NUP107: variants seen among roughly 807,000 people sequenced by gnomAD.
The protein encoded by NUP107 is nucleoporin 107.
NUP107 carries 101 observed loss-of-function variants against 141.0 expected under a neutral mutation model. The observed-to-expected ratio is 0.72, with a 90% CI of 0.61 to 0.84. The LOEUF (loss-of-function observed/expected upper bound fraction) is 0.84. Ranked by LOEUF, NUP107 falls within the 40% of genes least tolerant of loss-of-function variation. The pLI is 0.00. For synonymous variants in NUP107, 319 were observed against 363.9 expected (o/e 0.88, Z 1.41); for missense variants, 941 against 1,102.7 (o/e 0.85, Z 2.08).
intron 26 of NUP107, among the ~76,000 whole-genome samples, chr12:68,737,237 G>GT (rs1352889057): frequency 1.3e-5 from 2 of 152,110 alleles, no homozygotes; most frequent in African/African-American, 4.8e-5. Context: ...AGATTAGGTA[G>GT]TGAAAGCCAC....
At chr12:68,698,090 A>G (rs1876157121) in intron 6 of NUP107, among the ~76,000 whole-genome samples, 1 of 152,124 alleles carries the variant, frequency 6.6e-6, no homozygotes. Flanking sequence ...TTGCAAATTA[A>G]AATAATGAGA....
rs1592486490 is a variant in NUP107 at position 68,687,000 on chromosome 12, G to C, written c.-66G>C. 17 of 1,609,124 alleles carry C rather than the reference G, an allele frequency of 1.1e-5. No individual in the cohort carries two copies. The East Asian group carries it at 3.6e-4, about 34-fold the overall frequency. Reference sequence around the variant, plus strand: ...GTCGAAGGGCTTGCTTCCGGAGAGCGGGAAGGCTAAAACGCGGTAGCTAAA... The same window carrying C: ...GTCGAAGGGCTTGCTTCCGGAGAGCCGGAAGGCTAAAACGCGGTAGCTAAA... On this transcript the variant is annotated 5_prime_UTR_variant, in exon 1 of 28. Coordinates refer to ENST00000229179, the MANE Select transcript of NUP107 (RefSeq NM_020401.4).
At chr12:68,687,202 C>T in intron 1 of NUP107, 129 bp downstream of exon 1, 4 of 1,322,054 alleles carry the variant, frequency 3.0e-6, no homozygotes, top group Non-Finnish European at 4.2e-6. Flanking sequence ...AGGCTCCTTC[C>T]CCATGCCGGG....
At chr12:68,713,944 A>G (rs1472161550) in intron 11 of NUP107, 136 bp downstream of exon 11, 1 of 614,674 alleles carries the variant, frequency 1.6e-6, no homozygotes, top group East Asian at 2.9e-5. Flanking sequence ...TAAAACAACT[A>G]AGTTGCATTG....
chr12:68,731,783 G>T, intron 22 of NUP107, 64 bp downstream of exon 22: 1 of 908,114 alleles, frequency 1.1e-6, no homozygotes, highest in Non-Finnish European at 1.7e-6. Context: ...TTATTCCTTG[G>T]TGAACTTCTC....
chr12:68,731,104 T>G lies in NUP107; in HGVS notation c.1735-6T>G, dbSNP rs762842875. 5.2e-6 allele frequency: 8 copies of G among 1,550,300 alleles called. No individual in the cohort carries two copies. Among genetic ancestry groups the G allele is most frequent in the Middle Eastern group, 1.7e-4 (1 of 5,834 alleles). On this transcript the variant is annotated splice_polypyrimidine_tract_variant and splice_region_variant and intron_variant, in intron 20 of 27. Transcript: ENST00000229179. ...TGACATACTTTGATCTTTTTCTATTTTTTAGCTTTTAATAAGAGAGAAACA... is the reference window on the plus strand; with the variant it reads ...TGACATACTTTGATCTTTTTCTATTGTTTAGCTTTTAATAAGAGAGAAACA...
At chr12:68,735,494 T>A (rs934158027) in intron 26 of NUP107, 150 bp downstream of exon 26, 2 of 606,046 alleles carry the variant, frequency 3.3e-6, no homozygotes, top group Non-Finnish European at 6.0e-6. Flanking sequence ...CTGAAAATAC[T>A]ACCTAGGGAA....
At position 68,740,474 on chromosome 12, in the gene NUP107, T is replaced by C. The variant is rs141856984; in HGVS notation, c.2503-1339T>C. Among the ~76,000 whole-genome samples the C allele has an allele frequency of 2.4e-3, 371 of 152,352 alleles. 2 individuals are homozygous for C. The highest frequency in any genetic ancestry group is 8.7e-3 in the African/African-American group (362 of 41,588). On this transcript the variant is annotated intron_variant, in intron 26 of 27. Transcript: ENST00000229179. Reference sequence around the variant, plus strand: ...CCAAAATATTGATAGTAATTTTTCCTATGTTTGGAAACCTGACCTAGATTA... The same window carrying C: ...CCAAAATATTGATAGTAATTTTTCCCATGTTTGGAAACCTGACCTAGATTA...
intron 8 of NUP107, chr12:68,706,242 C>T: frequency 7.8e-6 from 6 of 770,942 alleles, no homozygotes; most frequent in Non-Finnish European, 1.4e-5. Flanking sequence ...ATGGATGAAG[C>T]TTACAAGAAC....
Position 68,690,996 on chromosome 12 carries a change from C to T in NUP107, c.303+250C>T, listed in dbSNP as rs77714146. Among the ~76,000 whole-genome samples the T allele has an allele frequency of 7.2e-5, 11 of 151,822 alleles. No individual in the cohort carries two copies. In the East Asian group the frequency reaches 1.7e-3, roughly 24 times the overall value. ...TCGGGAGGCTGAGGTGTGAGAATTG[C>T]TTGAACCCAGGAGGCAGAGGTTGCA... On this transcript the variant is annotated intron_variant, in intron 4 of 27. Transcript: ENST00000229179.
At chr12:68,692,302 C>G (rs565809366) in intron 5 of NUP107, 190 bp downstream of exon 5, 20 of 540,172 alleles carry the variant, frequency 3.7e-5, no homozygotes, top group Admixed American at 7.8e-5. Flanking sequence ...ACTCTGTTGC[C>G]GGGCGCGGTG....
At chr12:68,706,708 G>T in intron 8 of NUP107, 1 of 751,278 alleles carries the variant, frequency 1.3e-6, no homozygotes. Flanking sequence ...GAGGTGGGCG[G>T]GCCAAGCAGG....
At chr12:68,704,899 C>T (rs1360233998) in intron 8 of NUP107, among the ~76,000 whole-genome samples, 1 of 150,478 alleles carries the variant, frequency 6.6e-6, no homozygotes, top group Non-Finnish European at 1.5e-5. Flanking sequence ...GCCAGCACGG[C>T]GGGGACATGG....
Position 68,744,457 on chromosome 12 carries a change from A to T in NUP107, c.*1995A>T, listed in dbSNP as rs1878440655. On this transcript the variant is annotated 3_prime_UTR_variant, in exon 28 of 28. Coordinates refer to ENST00000229179, the MANE Select transcript of NUP107 (RefSeq NM_020401.4). ...CCGGAGTGCAGTGGCATGATATCTCACTGCAAACCTCCGCCTCCTGGGTTC... is the reference window on the plus strand; with the variant it reads ...CCGGAGTGCAGTGGCATGATATCTCTCTGCAAACCTCCGCCTCCTGGGTTC... 1 of 152,074 alleles carries T rather than the reference A, an allele frequency of 6.6e-6. No individual in the cohort carries two copies. The highest frequency in any genetic ancestry group is 1.5e-5 in the Non-Finnish European group (1 of 68,012). The allele number at this position is 152,074 out of a possible 1,614,324, so 9.4% of individuals were successfully genotyped here.
At chr12:68,734,307 A>G (rs943468656) in intron 24 of NUP107, among the ~76,000 whole-genome samples, 2 of 152,116 alleles carry the variant, frequency 1.3e-5, no homozygotes, top group African/African-American at 4.8e-5. Context: ...CAAAAAAAAA[A>G]TTTTATTCAA....
At chr12:68,725,588 ATCTT>A in intron 17 of NUP107, 135 bp from the exon 18 acceptor site, 1 of 525,358 alleles carries the variant, frequency 1.9e-6, no homozygotes, top group East Asian at 3.5e-5. Flanking sequence ...TTTTGTTTTG[ATCTT>A]TCTAAGGCCC....
At position 68,696,866 on chromosome 12, in the gene NUP107, T is replaced by C. The variant is rs139326798; in HGVS notation, c.496T>C (p.Ser166Pro). The change falls in exon 6 of 28, where the codon TCT becomes CCT. Residue 166 changes from serine (S) to proline (P), a missense_variant. Coordinates refer to ENST00000229179, the MANE Select transcript of NUP107 (RefSeq NM_020401.4). Reference sequence around the variant, plus strand: ...TTTCCTGCAGTCTTTTCTGAAGCACTCTTCGAGTACAGTTTTTGATCTTGT... The same window carrying C: ...TTTCCTGCAGTCTTTTCTGAAGCACCCTTCGAGTACAGTTTTTGATCTTGT... ...SDFLQSFLKH[S>P]SSTVFDLVEE... The C allele has an allele frequency of 1.2e-4, 196 of 1,610,658 alleles. No individual in the cohort carries two copies. In the African/African-American group the frequency reaches 2.5e-3, roughly 20 times the overall value.
At chr12:68,692,202 T>G in intron 5 of NUP107, 90 bp downstream of exon 5, 1 of 1,282,774 alleles carries the variant, frequency 7.8e-7, no homozygotes, top group Admixed American at 2.6e-5. Context: ...CGTCATTATG[T>G]TTTTCTTTTC....
Position 68,689,531 on chromosome 12 carries a change from A to G in NUP107, c.101-2A>G, listed in dbSNP as rs555168510. 6.3e-7 allele frequency: 1 copy of G among 1,580,484 alleles called. No homozygotes were observed. The highest frequency in any genetic ancestry group is 8.6e-7 in the Non-Finnish European group (1 of 1,160,138). Reference sequence around the variant, plus strand: ...GAAAACTTTTCTTAACTCGTTGTACAGTTCAGGCATCTCAAGATGAAAATT... The same window carrying G: ...GAAAACTTTTCTTAACTCGTTGTACGGTTCAGGCATCTCAAGATGAAAATT... On this transcript the variant is annotated splice_acceptor_variant, in intron 2 of 27. Transcript: ENST00000229179. LOFTEE classifies it high-confidence loss of function.
Sources: allele counts gnomAD v4.1 joint callset (sites outside exome capture counted in the v4.1 genomes callset), GRCh38; gene constraint gnomAD v4.1.1; transcripts MANE v1.5; gene names NCBI Gene and HGNC (gene_info 2026-07-23, HGNC 2026-07-21).